HERC3: variants seen among roughly 807,000 people sequenced by gnomAD.
HERC3 encodes the protein probable E3 ubiquitin-protein ligase HERC3.
HERC3 carries 58 observed loss-of-function variants against 129.9 expected under a neutral mutation model. The observed-to-expected ratio is 0.45, with a 90% confidence interval of 0.36 to 0.56. HERC3 has a LOEUF of 0.56. HERC3 is among the 20% of genes least tolerant of loss of function. The pLI is 0.00. For synonymous variants in HERC3, 430 were observed against 451.0 expected, an observed-to-expected ratio of 0.95 and a Z score of 0.59; for missense variants, 835 against 1,244.2, an observed-to-expected ratio of 0.67 and a Z score of 4.95.
At chr4:88,643,452 G>A (rs1016717984) in intron 3 of HERC3, among the ~76,000 whole-genome samples, 3 of 152,134 alleles carry the variant, frequency 2.0e-5, no homozygotes, top group South Asian at 4.1e-4. Flanking sequence ...TGAAAAATAT[G>A]AATAAAGTTG....
At chr4:88,530,246 T>A in the HERC3 span, among the ~76,000 whole-genome samples, 1 of 151,414 alleles carries the variant, frequency 6.6e-6, no homozygotes, top group African/African-American at 2.4e-5. Context: ...GCCAAGATCG[T>A]GCCACTGCAC....
chr4:88,615,159 C>G (rs1460187571), intron 3 of HERC3, among the ~76,000 whole-genome samples: 2 of 152,012 alleles, frequency 1.3e-5, no homozygotes, highest in South Asian at 4.2e-4. Context: ...GTAAATCCAC[C>G]CTTTAATTCT....
At chr4:88,531,440 A>G in the HERC3 span, among the ~76,000 whole-genome samples, 2 of 152,220 alleles carry the variant, frequency 1.3e-5, no homozygotes, top group African/African-American at 4.8e-5. Flanking sequence ...AGCGTTCACT[A>G]AAACTATAAA....
At chr4:88,645,323 G>A (rs749343746) in intron 3 of HERC3, among the ~76,000 whole-genome samples, 2 of 152,114 alleles carry the variant, frequency 1.3e-5, no homozygotes, top group Non-Finnish European at 2.9e-5. Context: ...TCTCTGTCTT[G>A]TTTTCTACTA....
In HERC3 at chr4:88,680,147, T is replaced by C. The variant is rs1732607776; in HGVS notation, c.2251T>C (p.Phe751Leu). ...TGCCGGTGGTGTTACAAAGGAATTT[T>C]TTCTTTTGCTGTTAAAAGAACTTTT... ...VDAGGVTKEF[F>L]LLLLKELLNP... The change falls in exon 20 of 26, where the codon TTT (phenylalanine) becomes CTT (leucine). Residue 751 changes from phenylalanine to leucine, a missense_variant. Transcript: ENST00000402738. 1.2e-6 allele frequency: 2 copies of C among 1,613,232 alleles called. No individual in the cohort carries two copies. Among genetic ancestry groups the C allele is most frequent in the Non-Finnish European group, 1.7e-6 (2 of 1,179,408 alleles).
chr4:88,575,422 A>G, the HERC3 span, among the ~76,000 whole-genome samples: 2 of 152,248 alleles, frequency 1.3e-5, no homozygotes, highest in Non-Finnish European at 2.9e-5. Flanking sequence ...AACAGCTGAC[A>G]CAGAGATGAT....
At chr4:88,540,713 A>T in the HERC3 span, among the ~76,000 whole-genome samples, 1 of 152,226 alleles carries the variant, frequency 6.6e-6, no homozygotes, top group African/African-American at 2.4e-5. Context: ...CGGGTTACCC[A>T]CAAGGGAAGC....
At chr4:88,705,541 T>G (rs1227018630) in intron 25 of HERC3, among the ~76,000 whole-genome samples, 1 of 152,228 alleles carries the variant, frequency 6.6e-6, no homozygotes, top group Non-Finnish European at 1.5e-5. Context: ...GGATATTTCA[T>G]GCAAATTGAA....
intron 18 of HERC3, among the ~76,000 whole-genome samples, chr4:88,677,024 A>G (rs981119335): frequency 1.3e-5 from 2 of 152,146 alleles, no homozygotes; most frequent in Non-Finnish European, 2.9e-5. Context: ...AATCTCAGCT[A>G]CGCGGGAGGC....
the HERC3 span, among the ~76,000 whole-genome samples, chr4:88,575,304 G>A: frequency 9.9e-5 from 15 of 152,132 alleles, no homozygotes; most frequent in African/African-American, 3.6e-4. Flanking sequence ...GCATGTTAAT[G>A]TGATTATGCT....
chr4:88,706,670 C>T (rs978866227), intron 25 of HERC3, 82 bp from the exon 26 acceptor site: 1 of 1,101,896 alleles, frequency 9.1e-7, no homozygotes, highest in Non-Finnish European at 1.4e-6. Flanking sequence ...GGTGTCATGC[C>T]TTCCTCTCCT....
At chr4:88,704,785 C>T (rs1034638490) in intron 25 of HERC3, among the ~76,000 whole-genome samples, 175 bp downstream of exon 25, 26 of 151,972 alleles carry the variant, frequency 1.7e-4, no homozygotes, top group African/African-American at 5.8e-4. Flanking sequence ...GGTTGTTAAT[C>T]CAGATCTGTT....
At chr4:88,612,915 A>T (rs1047521313) in intron 3 of HERC3, among the ~76,000 whole-genome samples, 4 of 152,118 alleles carry the variant, frequency 2.6e-5, no homozygotes, top group Non-Finnish European at 5.9e-5. Context: ...TAAACTAGAG[A>T]CTGGTTGTCC....
chr4:88,658,510 C>T lies in HERC3; in HGVS notation c.1146+19C>T. The T allele has an allele frequency of 7.2e-7, 1 of 1,390,270 alleles. No individual in the cohort carries two copies. The highest frequency in any genetic ancestry group is 1.0e-6 in the Non-Finnish European group (1 of 984,320). 86.1% of individuals were successfully genotyped at this position (1,390,270 alleles called of 1,614,324 possible). On this transcript the variant is annotated intron_variant, in intron 10 of 25. Coordinates refer to ENST00000402738, the MANE Select transcript of HERC3 (RefSeq NM_014606.3). ...ATACGAGGTAAAATTTTTCTTGTGACTCTTATTTCCAGGAAGGAATAATAG... is the reference window on the plus strand; with the variant it reads ...ATACGAGGTAAAATTTTTCTTGTGATTCTTATTTCCAGGAAGGAATAATAG...
chr4:88,686,031 T>C (rs1733411282), intron 21 of HERC3, among the ~76,000 whole-genome samples: 1 of 152,188 alleles, frequency 6.6e-6, no homozygotes, highest in Non-Finnish European at 1.5e-5. Flanking sequence ...AAGACAGCAG[T>C]GTTTTATGCT....
At chr4:88,594,256 C>T (rs868525993) in intron 1 of HERC3, among the ~76,000 whole-genome samples, 4 of 152,116 alleles carry the variant, frequency 2.6e-5, no homozygotes, top group Middle Eastern at 3.2e-3. Context: ...ATTTGTATGA[C>T]CAATTAAAAA....
chr4:88,625,201 T>C (rs1383695132), intron 3 of HERC3, among the ~76,000 whole-genome samples: 2 of 152,218 alleles, frequency 1.3e-5, no homozygotes, highest in African/African-American at 2.4e-5. Context: ...TGATTTTGCA[T>C]GTAAGAGCAG....
chr4:88,615,967 A>G lies in HERC3; in HGVS notation c.226+9918A>G, dbSNP rs376891161. 3.3e-5 allele frequency among the ~76,000 whole-genome samples: 5 copies of G among 152,274 alleles called. No homozygotes were observed. In the South Asian group the frequency reaches 6.2e-4, roughly 19 times the overall value. ...AGCATATTAACAAATTAATACATTC[A>G]TGACAAATACATACAGTTTCTAGAT... is the stretch of plus-strand genomic sequence containing the variant. On this transcript the variant is annotated intron_variant, in intron 3 of 25. Coordinates refer to ENST00000402738, the MANE Select transcript of HERC3 (RefSeq NM_014606.3).
the HERC3 span, among the ~76,000 whole-genome samples, chr4:88,546,242 A>T: frequency 1.3e-5 from 2 of 152,164 alleles, no homozygotes; most frequent in East Asian, 3.8e-4. Flanking sequence ...GTCTAACAGA[A>T]GTTGCACCAG....
Sources: gnomAD v4.1 joint callset for allele counts (sites outside exome capture counted in the v4.1 genomes callset) on GRCh38, gnomAD v4.1.1 for gene constraint, MANE v1.5 for transcripts, NCBI Gene and HGNC (gene_info 2026-07-23, HGNC 2026-07-21) for gene names.